The following SLC43A2 variants were observed in gnomAD, a reference collection of about 807,000 sequenced individuals.
SLC43A2 encodes solute carrier family 43 member 2, also known as large neutral amino acids transporter small subunit 4.
Under a neutral mutation model 63.2 loss-of-function variants are expected in SLC43A2, and 38 were observed. The observed-to-expected ratio is 0.60, with a 90% CI of 0.46 to 0.79. The LOEUF (loss-of-function observed/expected upper bound fraction) is 0.79, where lower values mean the gene tolerates loss of function less well. Ranked by LOEUF, SLC43A2 falls within the 30% of genes least tolerant of loss-of-function variation. The probability of loss-of-function intolerance (pLI) is 0.00; values close to 1 mark genes in which losing one functional copy is unlikely to be tolerated. For missense variants in SLC43A2, 644 were observed against 756.2 expected (o/e 0.85, Z 1.74); for synonymous variants, 322 against 331.0 (o/e 0.97, Z 0.30).
chr17:1,603,691 AG>A (rs1371275465), intron 5 of SLC43A2, among the ~76,000 whole-genome samples: 1 of 152,194 alleles, frequency 6.6e-6, no homozygotes, highest in Non-Finnish European at 1.5e-5. Context: ...AGGCTGAGGC[AG>A]GAGAATCGCT....
At chr17:1,627,498 C>T (rs756006172) in intron 2 of SLC43A2, among the ~76,000 whole-genome samples, 10 of 152,160 alleles carry the variant, frequency 6.6e-5, no homozygotes, top group African/African-American at 2.4e-4. Flanking sequence ...TGCGGCCTTG[C>T]GCAAGACAGA....
Position 1,590,871 on chromosome 17 carries a change from G to A in SLC43A2, c.1009C>T (p.Arg337Trp), listed in dbSNP as rs1263594674. ...ATAGCCCCCATGTAGAAGATGAGCC[G>A]CAGCTGCGTGACGCACATGGTGACC... ...SLVTMCVTQLRLIFYMGAMNN... is the reference protein window; with the variant it reads ...SLVTMCVTQLWLIFYMGAMNN... Residue 337 changes from arginine to tryptophan, a missense_variant, in exon 9 of 14, where the codon CGG becomes TGG. Coordinates refer to ENST00000301335, the MANE Select transcript of SLC43A2 (RefSeq NM_152346.3). 4.5e-6 allele frequency: 7 copies of A among 1,553,984 alleles called. No homozygotes were observed. The highest frequency in any genetic ancestry group is 1.2e-5 in the South Asian group (1 of 84,238).
intron 9 of SLC43A2, chr17:1,586,928 T>TCTCCCCCCCCCCC: frequency 8.1e-7 from 1 of 1,232,914 alleles, no homozygotes; most frequent in East Asian, 2.8e-5. Flanking sequence ...TCCCTGACAA[T>TCTCCCCCCCCCCC]CCCCCCCACC....
chr17:1,581,097 A>T (rs1000668132), intron 11 of SLC43A2, among the ~76,000 whole-genome samples: 5 of 151,736 alleles, frequency 3.3e-5, no homozygotes, highest in Non-Finnish European at 5.9e-5. Flanking sequence ...TTCTGTACAC[A>T]GCCCTGCCAT....
intron 3 of SLC43A2, among the ~76,000 whole-genome samples, chr17:1,615,650 T>G (rs946710926): frequency 2.0e-5 from 3 of 149,756 alleles, no homozygotes; most frequent in African/African-American, 7.3e-5. Context: ...GAGACCATCC[T>G]GGCTAACACA....
At chr17:1,611,618 G>C (rs550073967) in intron 5 of SLC43A2, among the ~76,000 whole-genome samples, 2 of 143,612 alleles carry the variant, frequency 1.4e-5, no homozygotes, top group East Asian at 4.2e-4. Context: ...CTGGGCAACC[G>C]AGCAGACTCA....
chr17:1,592,272 C>G (rs1346007278), intron 6 of SLC43A2, among the ~76,000 whole-genome samples: 1 of 152,280 alleles, frequency 6.6e-6, no homozygotes, highest in East Asian at 1.9e-4. Flanking sequence ...ACTAAAAATA[C>G]AAAAATTAGC....
At chr17:1,579,806 G>C (rs1022222938) in intron 11 of SLC43A2, among the ~76,000 whole-genome samples, 1 of 151,966 alleles carries the variant, frequency 6.6e-6, no homozygotes, top group Non-Finnish European at 1.5e-5. Context: ...CACTGCACTC[G>C]AGCCTGGCTG....
chr17:1,607,391 C>A (rs557945157), intron 5 of SLC43A2, among the ~76,000 whole-genome samples: 12 of 152,162 alleles, frequency 7.9e-5, no homozygotes, highest in African/African-American at 2.4e-4. Context: ...TCAGCAGAAG[C>A]CCCAGTCAGC....
rs1380671414 is a variant in SLC43A2, at chr17:1,571,882, T to G, written c.*3722A>C. ...CCCAGAGTCTAGTGAGGAGAGGGAC[T>G]GGGGGCAGTGTTTCGGCAGCAGACC... On this transcript the variant is annotated 3_prime_UTR_variant, in exon 14 of 14. Transcript: ENST00000301335. This position sits in a 1 kb window ranked among gnomAD's most constrained non-coding sequence, Gnocchi z 5.2. 1.3e-5 allele frequency: 2 copies of G among 151,690 alleles called. No homozygotes were observed. Among genetic ancestry groups the G allele is most frequent in the Non-Finnish European group, 2.9e-5 (2 of 68,134 alleles). The allele number at this position is 151,690 out of a possible 1,614,324, so 9.4% of individuals were successfully genotyped here.
At chr17:1,581,434 C>T (rs578229526) in intron 11 of SLC43A2, among the ~76,000 whole-genome samples, 30 of 152,304 alleles carry the variant, frequency 2.0e-4, no homozygotes, top group South Asian at 4.1e-4. Context: ...CCCCTGGGGC[C>T]GGCACAAATG....
chr17:1,583,582 C>T lies in SLC43A2; in HGVS notation c.1218-246G>A. On this transcript the variant is annotated intron_variant, in intron 10 of 13. Coordinates refer to ENST00000301335, the MANE Select transcript of SLC43A2 (RefSeq NM_152346.3). This position sits in a 1 kb window ranked among gnomAD's most constrained non-coding sequence, Gnocchi z 5.5. ...GTACAAGAAGATGGCCATCCATATG[C>T]TGCAGTGCTCTGTGAAGGCTGAGCT... 1.9e-6 allele frequency: 1 copy of T among 515,318 alleles called. No individual in the cohort carries two copies. The allele number at this position is 515,318 out of a possible 1,614,324, so 31.9% of individuals were successfully genotyped here.
intron 5 of SLC43A2, among the ~76,000 whole-genome samples, chr17:1,602,022 C>T (rs1389442417): frequency 5.9e-5 from 9 of 152,014 alleles, no homozygotes; most frequent in South Asian, 2.1e-4. Context: ...GTACCGCCCT[C>T]CCGAAGGTCC....
In SLC43A2 at chr17:1,586,066, G is replaced by T; in HGVS notation, c.1079-15C>A. On this transcript the variant is annotated splice_polypyrimidine_tract_variant and intron_variant, in intron 9 of 13. Coordinates refer to ENST00000301335, the MANE Select transcript of SLC43A2 (RefSeq NM_152346.3). ...GTAGAGGCCAACTGTGGAGGAAGGCGCTGCGTCATGGGGACGCCTGGCAGA... is the reference window on the plus strand; with the variant it reads ...GTAGAGGCCAACTGTGGAGGAAGGCTCTGCGTCATGGGGACGCCTGGCAGA... 1.3e-6 allele frequency: 2 copies of T among 1,569,612 alleles called. No homozygotes were observed. The highest frequency in any genetic ancestry group is 1.7e-6 in the Non-Finnish European group (2 of 1,157,522).
intron 2 of SLC43A2, among the ~76,000 whole-genome samples, chr17:1,620,317 G>T (rs1310561235): frequency 1.3e-5 from 2 of 152,136 alleles, no homozygotes; most frequent in African/African-American, 4.8e-5. Context: ...GCAGTGAGCC[G>T]AGATTGTGCC....
chr17:1,576,114 G>A (rs549520231), intron 13 of SLC43A2, among the ~76,000 whole-genome samples: 1 of 136,140 alleles, frequency 7.3e-6, no homozygotes, highest in South Asian at 2.2e-4. Context: ...GAAGTCTCGC[G>A]CTGTCGTCAT....
Position 1,605,005 on chromosome 17 carries a change from G to A in SLC43A2, c.501+8190C>T. The stretch of plus-strand genomic sequence containing the variant: ...GCCTCGAGGGCTGGCGGAGGGGAAG[G>A]ACCCCAGGAGGGGAAGGACCAGCTT... On this transcript the variant is annotated intron_variant, in intron 5 of 13. Coordinates refer to ENST00000301335, the MANE Select transcript of SLC43A2 (RefSeq NM_152346.3). This position sits in a 1 kb window ranked among gnomAD's most constrained non-coding sequence, Gnocchi z 4.9. 7.0e-7 allele frequency: 1 copy of A among 1,434,552 alleles called. No individual in the cohort carries two copies. Among genetic ancestry groups the A allele is most frequent in the Admixed American group, 2.6e-5 (1 of 38,254 alleles). The allele number at this position is 1,434,552 out of a possible 1,614,324, so 88.9% of individuals were successfully genotyped here.
At chr17:1,594,657 G>T (rs181164880) in intron 5 of SLC43A2, among the ~76,000 whole-genome samples, 1 of 142,828 alleles carries the variant, frequency 7.0e-6, no homozygotes, top group Non-Finnish European at 1.5e-5. Flanking sequence ...GCTCTATCTC[G>T]GCTCACTGCA....
At position 1,575,556 on chromosome 17, in the gene SLC43A2, C is replaced by CA; in HGVS notation, c.*47dup. The CA allele has an allele frequency of 6.2e-7, 1 of 1,612,902 alleles. No individual in the cohort carries two copies. Among genetic ancestry groups the CA allele is most frequent in the South Asian group, 1.1e-5 (1 of 91,056 alleles). On this transcript the variant is annotated 3_prime_UTR_variant, in exon 14 of 14. Transcript: ENST00000301335. ...TACTCTGGAGGGGCAGGACAGGGGTCAGTCACTGAAGCACAGGCAGGAGAC... is the reference window on the plus strand; with the variant it reads ...TACTCTGGAGGGGCAGGACAGGGGTCAAGTCACTGAAGCACAGGCAGGAGAC...
Sources: gnomAD v4.1 joint callset for allele counts (sites outside exome capture counted in the v4.1 genomes callset) on GRCh38, gnomAD v4.1.1 for gene constraint, Gnocchi (gnomAD v3.1) non-coding constraint, MANE v1.5 for transcripts, NCBI Gene and HGNC (gene_info 2026-07-23, HGNC 2026-07-21) for gene names.